The following COL4A2 variants were observed in gnomAD, a reference collection of about 807,000 sequenced individuals.
COL4A2 encodes collagen alpha-2(IV) chain.
A neutral mutation model predicts 200.2 loss-of-function variants in COL4A2; 99 were observed. That is an observed-to-expected ratio of 0.49 (90% CI 0.42 to 0.58). The LOEUF (loss-of-function observed/expected upper bound fraction) is 0.58. COL4A2 is among the 20% of genes least tolerant of loss of function. The pLI is 0.00. For missense variants in COL4A2, 1,950 were observed against 2,314.1 expected (o/e 0.84, Z 3.23); for synonymous variants, 897 against 900.6 (o/e 1.00, Z 0.07).
chr13:110,462,867 TC>T (rs1882088889), intron 24 of COL4A2, among the ~76,000 whole-genome samples: 1 of 152,080 alleles, frequency 6.6e-6, no homozygotes, highest in African/African-American at 2.4e-5. Flanking sequence ...CAAGACCCCT[TC>T]CTGTGCACCC....
intron 36 of COL4A2, among the ~76,000 whole-genome samples, chr13:110,490,342 T>C (rs1410745664): frequency 6.6e-6 from 1 of 152,190 alleles, no homozygotes; most frequent in East Asian, 1.9e-4. Flanking sequence ...ACTGTGATAG[T>C]TTTCTTCTTT....
chr13:110,457,866 G>A (rs1035901169), intron 21 of COL4A2: 4 of 439,168 alleles, frequency 9.1e-6, no homozygotes, highest in Non-Finnish European at 1.9e-5. Context: ...GTCCTACTGA[G>A]ACTCGGTAGA....
chr13:110,503,812 G>A (rs1447940333), intron 43 of COL4A2, 35 bp from the exon 44 acceptor site: 1 of 1,613,574 alleles, frequency 6.2e-7, no homozygotes, highest in Non-Finnish European at 8.5e-7. Context: ...GAACGACCTT[G>A]TGTGTTTACT....
intron 4 of COL4A2, among the ~76,000 whole-genome samples, chr13:110,383,093 TACC>T: frequency 6.6e-6 from 1 of 152,392 alleles, no homozygotes; most frequent in South Asian, 2.1e-4. Flanking sequence ...ACTTTTAATG[TACC>T]ACATTTTTTA....
At chr13:110,460,518 A>C (rs1881985115) in intron 22 of COL4A2, among the ~76,000 whole-genome samples, 1 of 152,180 alleles carries the variant, frequency 6.6e-6, no homozygotes, top group South Asian at 2.1e-4. Context: ...ACGTGACCGA[A>C]TATTTCCCAG....
intron 3 of COL4A2, among the ~76,000 whole-genome samples, chr13:110,310,537 T>G (rs982340171): frequency 6.6e-6 from 1 of 152,258 alleles, no homozygotes; most frequent in African/African-American, 2.4e-5. Flanking sequence ...GACATGTAGT[T>G]TGTTACGTTC....
chr13:110,415,808 AC>A (rs1263083046), intron 4 of COL4A2, among the ~76,000 whole-genome samples: 2 of 152,038 alleles, frequency 1.3e-5, no homozygotes, highest in African/African-American at 4.8e-5. Context: ...CTCTGCTTCC[AC>A]CTGGGGCAGA....
chr13:110,511,853 C>A (rs1884092209), intron 47 of COL4A2, 81 bp from the exon 48 acceptor site: 1 of 1,598,500 alleles, frequency 6.3e-7, no homozygotes. Context: ...AAAACAAATG[C>A]ACAGAAGAGG....
intron 4 of COL4A2, among the ~76,000 whole-genome samples, chr13:110,383,686 G>A (rs565712759): frequency 7.7e-6 from 1 of 130,622 alleles, no homozygotes; most frequent in South Asian, 2.6e-4. Flanking sequence ...CACGATCTCA[G>A]CTCACTGCAA....
chr13:110,400,186 A>G (rs111921453), intron 4 of COL4A2, among the ~76,000 whole-genome samples: 2,445 of 152,356 alleles, frequency 0.016, 34 homozygotes, highest in Middle Eastern at 0.061. Flanking sequence ...CCAATCTCTA[A>G]TAAACCTTTT....
intron 29 of COL4A2, among the ~76,000 whole-genome samples, chr13:110,475,821 G>A (rs1335587426): frequency 6.6e-6 from 1 of 152,242 alleles, no homozygotes; most frequent in African/African-American, 2.4e-5. Flanking sequence ...CCACAAATGA[G>A]ATGTGATTTC....
At chr13:110,495,505 G>C in intron 40 of COL4A2, 38 bp downstream of exon 40, 2 of 1,602,858 alleles carry the variant, frequency 1.2e-6, no homozygotes, top group Non-Finnish European at 1.7e-6. Flanking sequence ...TGCCGTCCCA[G>C]TAACCAGAAC....
intron 3 of COL4A2, 126 bp from the exon 4 acceptor site, chr13:110,357,346 C>T: frequency 7.2e-7 from 1 of 1,380,082 alleles, no homozygotes. Context: ...TTAAAAAAGC[C>T]TTATTGAATG....
At chr13:110,362,911 G>A (rs1472407860) in intron 4 of COL4A2, among the ~76,000 whole-genome samples, 1 of 152,192 alleles carries the variant, frequency 6.6e-6, no homozygotes, top group Non-Finnish European at 1.5e-5. Context: ...AACTTAGCCA[G>A]GTTCCTGTTC....
At chr13:110,405,558 CAG>C (rs142449542) in intron 4 of COL4A2, among the ~76,000 whole-genome samples, 2,585 of 152,240 alleles carry the variant, frequency 0.017, 66 homozygotes, top group African/African-American at 0.058. Flanking sequence ...CCACGTTAGA[CAG>C]GGGGAGAAGC....
rs185844745 is a variant in COL4A2 at position 110,450,625 on chromosome 13, G to A, written c.1339+171G>A. ...GATTAGGGTGTAGTGGGTGCTCTCTGGGGTCCACGCAGGAGCTGGGGATGG... is the reference window on the plus strand; with the variant it reads ...GATTAGGGTGTAGTGGGTGCTCTCTAGGGTCCACGCAGGAGCTGGGGATGG... On this transcript the variant is annotated intron_variant, in intron 20 of 47. Coordinates refer to ENST00000360467, the MANE Select transcript of COL4A2 (RefSeq NM_001846.4). Among the ~76,000 whole-genome samples the A allele has an allele frequency of 1.8e-4, 28 of 152,346 alleles. No homozygotes were observed. In the East Asian group the frequency reaches 5.4e-3, roughly 29 times the overall value.
At chr13:110,322,382 G>A (rs1319043502) in intron 3 of COL4A2, among the ~76,000 whole-genome samples, 1 of 152,234 alleles carries the variant, frequency 6.6e-6, no homozygotes, top group East Asian at 1.9e-4. Context: ...GAGGGAACCG[G>A]GTGTCTGGGT....
intron 15 of COL4A2, 51 bp from the exon 16 acceptor site, chr13:110,439,738 A>G: frequency 9.3e-6 from 15 of 1,612,884 alleles, no homozygotes; most frequent in Non-Finnish European, 1.2e-5. Context: ...CCCTCTGGAA[A>G]TGTCTACTGC....
At position 110,507,957 on chromosome 13, in the gene COL4A2, G is replaced by A. The variant is rs391859; in HGVS notation, c.4617G>A (p.Ala1539=). The A allele has an allele frequency of 0.088, 142,350 of 1,613,750 alleles. 7,318 individuals carry two copies. Among genetic ancestry groups the A allele is most frequent in the Admixed American group, 0.2 (11,825 of 60,008 alleles). Residue 1539 remains alanine, a synonymous_variant, in exon 47 of 48, where the codon GCG becomes GCA. Transcript: ENST00000360467. ...CAGGGCTGGCGGGCTCCTGCCTGGC[G>A]CGGTTCAGCACCATGCCCTTCCTGT... is the stretch of plus-strand genomic sequence containing the variant. ...QDLGLAGSCL[A]RFSTMPFLYC... is the part of the protein sequence containing the mutation.
Sources: gnomAD v4.1 joint callset for allele counts (sites outside exome capture counted in the v4.1 genomes callset) on GRCh38, gnomAD v4.1.1 for gene constraint, MANE v1.5 for transcripts, NCBI Gene and HGNC (gene_info 2026-07-23, HGNC 2026-07-21) for gene names.